PEX14: variants seen among roughly 807,000 people sequenced by gnomAD.
PEX14 encodes peroxisomal membrane protein PEX14.
PEX14 carries 15 observed loss-of-function variants against 49.5 expected under a neutral mutation model. The ratio of observed to expected loss-of-function variants is 0.30; its 90% confidence interval spans 0.20 to 0.47. The LOEUF (loss-of-function observed/expected upper bound fraction) is 0.47. Ranked by LOEUF, PEX14 falls within the 20% of genes least tolerant of loss-of-function variation. PEX14 has a pLI of 1.00. For synonymous variants in PEX14, 210 were observed against 212.7 expected, an observed-to-expected ratio of 0.99 and a Z score of 0.11; for missense variants, 398 against 494.8, an observed-to-expected ratio of 0.80 and a Z score of 1.86.
intron 2 of PEX14, among the ~76,000 whole-genome samples, chr1:10,507,743 G>T (rs72869153): frequency 1.3e-5 from 2 of 152,126 alleles, no homozygotes; most frequent in Non-Finnish European, 2.9e-5. Flanking sequence ...ACTGGAATCC[G>T]CATAAGTAAA....
chr1:10,586,114 G>T (rs1182237393), intron 3 of PEX14, among the ~76,000 whole-genome samples: 1 of 152,206 alleles, frequency 6.6e-6, no homozygotes, highest in African/African-American at 2.4e-5. Context: ...TCCATGTTTG[G>T]TAGTACAAAC....
At position 10,623,447 on chromosome 1, in the gene PEX14, T is replaced by G. The variant is rs368991950; in HGVS notation, c.487+326T>G. 1.3e-5 allele frequency among the ~76,000 whole-genome samples: 2 copies of G among 150,564 alleles called. No individual in the cohort carries two copies. Among genetic ancestry groups the G allele is most frequent in the South Asian group, 2.1e-4 (1 of 4,742 alleles). ...TGCTTCTATGAGGTTTTCAGGGGGGTTTTCAGTGATTTTCCCCCTTCCCTC... is the reference window on the plus strand; with the variant it reads ...TGCTTCTATGAGGTTTTCAGGGGGGGTTTCAGTGATTTTCCCCCTTCCCTC... On this transcript the variant is annotated intron_variant, in intron 6 of 8. Coordinates refer to ENST00000356607, the MANE Select transcript of PEX14 (RefSeq NM_004565.3). This position sits in a 1 kb window ranked among gnomAD's most constrained non-coding sequence, Gnocchi z 4.4.
At chr1:10,476,239 C>G (rs903863741) in intron 1 of PEX14, among the ~76,000 whole-genome samples, 1 of 152,154 alleles carries the variant, frequency 6.6e-6, no homozygotes, top group Admixed American at 6.5e-5. Context: ...TTCCCCCATA[C>G]CAGTTTCTAT....
chr1:10,573,684 A>C (rs555971171), intron 3 of PEX14, among the ~76,000 whole-genome samples: 1 of 152,226 alleles, frequency 6.6e-6, no homozygotes, highest in East Asian at 1.9e-4. Flanking sequence ...GGCACTTTCT[A>C]CTCAAGTTAA....
intron 2 of PEX14, among the ~76,000 whole-genome samples, chr1:10,526,247 A>G: frequency 7.1e-6 from 1 of 140,342 alleles, no homozygotes; most frequent in Admixed American, 7.5e-5. Flanking sequence ...TTTGAGACAG[A>G]GTCGTGCTCT....
chr1:10,543,891 C>T (rs948893915), intron 3 of PEX14, among the ~76,000 whole-genome samples: 4 of 152,162 alleles, frequency 2.6e-5, no homozygotes, highest in Non-Finnish European at 5.9e-5. Flanking sequence ...TGAACCACGG[C>T]ACCTGGCCCA....
intron 2 of PEX14, among the ~76,000 whole-genome samples, chr1:10,499,228 C>T (rs1641623423): frequency 6.6e-6 from 1 of 152,178 alleles, no homozygotes; most frequent in South Asian, 2.1e-4. Context: ...TTCAGTTTCT[C>T]AATGTTCAGC....
At chr1:10,532,665 A>G (rs572003505) in intron 2 of PEX14, among the ~76,000 whole-genome samples, 16 of 152,280 alleles carry the variant, frequency 1.1e-4, no homozygotes, top group Non-Finnish European at 1.5e-5. Context: ...CATCTTTGAC[A>G]TTGAGGCGGA....
rs70997260 is a variant in PEX14 at position 10,610,398 on chromosome 1, C to CACATAT, written c.299-7933_299-7932insCATATA. 1.2e-4 allele frequency among the ~76,000 whole-genome samples: 17 copies of CACATAT among 140,702 alleles called. No homozygotes were observed. In the South Asian group the frequency reaches 2.5e-3, roughly 20 times the overall value. The allele number at this position is 140,702 out of a possible 152,430, so 92.3% of individuals were successfully genotyped here. A position where few individuals can be genotyped will look rare whatever the true frequency, so the allele number is the denominator to read the frequency against. On this transcript the variant is annotated intron_variant, in intron 4 of 8. Transcript: ENST00000356607. Reference sequence around the variant, plus strand: ...ACACACACACACACACACACACACACATATATATATACACAGAGAGAGAGA... The same window carrying CACATAT: ...ACACACACACACACACACACACACACACATATATATATATATACACAGAGAGAGAGA...
intron 3 of PEX14, among the ~76,000 whole-genome samples, chr1:10,573,569 G>A (rs1394358726): frequency 6.6e-6 from 1 of 152,212 alleles, no homozygotes; most frequent in Non-Finnish European, 1.5e-5. Context: ...ACACCCATTA[G>A]AATGGCGAAA....
At chr1:10,602,969 G>GC (rs1182172491) in intron 4 of PEX14, among the ~76,000 whole-genome samples, 1 of 152,206 alleles carries the variant, frequency 6.6e-6, no homozygotes, top group Non-Finnish European at 1.5e-5. Context: ...CCTGGGCCTA[G>GC]CCCCAAACAC....
chr1:10,551,044 T>G (rs1639319519), intron 3 of PEX14, among the ~76,000 whole-genome samples: 1 of 152,190 alleles, frequency 6.6e-6, no homozygotes, highest in African/African-American at 2.4e-5. Context: ...TTTGTTGTTC[T>G]GTATGGACGC....
intron 2 of PEX14, among the ~76,000 whole-genome samples, chr1:10,525,033 G>A (rs550293208): frequency 1.9e-4 from 29 of 152,270 alleles, no homozygotes; most frequent in Admixed American, 1.5e-3. Context: ...ATTGGTAGCT[G>A]TGCTGGCTAA....
chr1:10,584,225 A>G (rs1640415791), intron 3 of PEX14, among the ~76,000 whole-genome samples: 1 of 152,166 alleles, frequency 6.6e-6, no homozygotes, highest in African/African-American at 2.4e-5. Context: ...TGTGACTACA[A>G]GTTTGGAGTT....
chr1:10,573,569 G>T (rs1394358726), intron 3 of PEX14, among the ~76,000 whole-genome samples: 1 of 152,212 alleles, frequency 6.6e-6, no homozygotes, highest in Non-Finnish European at 1.5e-5. Context: ...ACACCCATTA[G>T]AATGGCGAAA....
chr1:10,618,294 T>C (rs527910883), intron 4 of PEX14, 38 bp from the exon 5 acceptor site: 100 of 1,552,140 alleles, frequency 6.4e-5, no homozygotes, highest in South Asian at 3.0e-4. Context: ...AAGGACGCCA[T>C]GTGCGTCTTC....
Position 10,495,249 on chromosome 1 carries a change from T to C in PEX14, c.37-25T>C, listed in dbSNP as rs1369038859. 3.1e-6 allele frequency: 5 copies of C among 1,612,998 alleles called. No individual in the cohort carries two copies. The South Asian group carries it at 5.5e-5, about 18-fold the overall frequency. On this transcript the variant is annotated intron_variant, in intron 1 of 8. Coordinates refer to ENST00000356607, the MANE Select transcript of PEX14 (RefSeq NM_004565.3). This position sits in a 1 kb window ranked among gnomAD's most constrained non-coding sequence, Gnocchi z 4.2. The stretch of plus-strand genomic sequence containing the variant: ...TCCATTGGGTGGCACTGTGATCTTA[T>C]TTTTGTTTCCATTTTTCTCTGCAGC...
chr1:10,490,143 C>T (rs1354789092), intron 1 of PEX14, among the ~76,000 whole-genome samples: 1 of 152,186 alleles, frequency 6.6e-6, no homozygotes, highest in Non-Finnish European at 1.5e-5. Flanking sequence ...GGTTGAGCAG[C>T]GTGCCCCCAA....
At chr1:10,493,323 G>C (rs1441371762) in intron 1 of PEX14, among the ~76,000 whole-genome samples, 1 of 152,136 alleles carries the variant, frequency 6.6e-6, no homozygotes, top group African/African-American at 2.4e-5. Context: ...AAGAGCGCCA[G>C]CACTGATGAG....
Sources: gnomAD v4.1 joint callset for allele counts (sites outside exome capture counted in the v4.1 genomes callset) on GRCh38, gnomAD v4.1.1 for gene constraint, Gnocchi (gnomAD v3.1) non-coding constraint, MANE v1.5 for transcripts, NCBI Gene and HGNC (gene_info 2026-07-23, HGNC 2026-07-21) for gene names.